Variants in BTBD7 observed in about 807,000 individuals in gnomAD.
BTBD7 encodes BTB domain containing 7, also known as BTB/POZ domain-containing protein 7.
In BTBD7, 38 loss-of-function variants were observed where a neutral mutation model predicts 99.9. That is an observed-to-expected ratio of 0.38 (90% CI 0.29 to 0.50). The LOEUF is 0.50. Ranked by LOEUF, BTBD7 falls within the 20% of genes least tolerant of loss-of-function variation. The pLI, the probability that BTBD7 is intolerant of heterozygous loss-of-function variation, is 0.93. For synonymous variants in BTBD7, 520 were observed against 511.4 expected, an observed-to-expected ratio of 1.02 and a Z score of -0.23; for missense variants, 1,170 against 1,394.6, an observed-to-expected ratio of 0.84 and a Z score of 2.57.
chr14:93,260,972 C>T (rs1362771201), intron 5 of BTBD7, among the ~76,000 whole-genome samples: 2 of 152,128 alleles, frequency 1.3e-5, no homozygotes, highest in African/African-American at 4.8e-5. Context: ...CTCACTGCAA[C>T]CTCTGCCTCC....
At chr14:93,243,790 AACAG>A (rs1195411502) in intron 10 of BTBD7, among the ~76,000 whole-genome samples, 2 of 152,244 alleles carry the variant, frequency 1.3e-5, no homozygotes, top group African/African-American at 2.4e-5. Flanking sequence ...GACTGCAATG[AACAG>A]ACAAATAAAT....
At chr14:93,300,087 T>C (rs2052975783) in intron 1 of BTBD7, among the ~76,000 whole-genome samples, 1 of 152,172 alleles carries the variant, frequency 6.6e-6, no homozygotes, top group Non-Finnish European at 1.5e-5. Flanking sequence ...CGGTTATCTC[T>C]GTGTCACTAA....
intron 1 of BTBD7, among the ~76,000 whole-genome samples, chr14:93,296,714 T>C (rs549722829): frequency 6.6e-6 from 1 of 152,326 alleles, no homozygotes; most frequent in African/African-American, 2.4e-5. Context: ...ATATATAAGC[T>C]ACTTGTTCTA....
chr14:93,329,536 T>C (rs949267189), intron 1 of BTBD7, among the ~76,000 whole-genome samples: 7 of 152,188 alleles, frequency 4.6e-5, no homozygotes, highest in Non-Finnish European at 1.0e-4. Flanking sequence ...AGTCAAAATG[T>C]GGATGCAACT....
intron 1 of BTBD7, among the ~76,000 whole-genome samples, chr14:93,306,682 C>T (rs1002440295): frequency 1.3e-5 from 2 of 152,062 alleles, no homozygotes; most frequent in African/African-American, 4.8e-5. Context: ...AGTAATGGTG[C>T]TTATTTCTTG....
chr14:93,273,401 G>C (rs772352309), intron 3 of BTBD7, among the ~76,000 whole-genome samples: 2 of 152,212 alleles, frequency 1.3e-5, no homozygotes, highest in Non-Finnish European at 2.9e-5. Context: ...CCAGGTCAGT[G>C]TCTGAAAAGA....
chr14:93,330,998 G>C (rs1029542942), intron 1 of BTBD7, among the ~76,000 whole-genome samples: 9 of 152,118 alleles, frequency 5.9e-5, no homozygotes, highest in African/African-American at 2.2e-4. Flanking sequence ...GAGTTTTACT[G>C]AATTCATGCA....
At chr14:93,261,134 T>C (rs1595294592) in intron 5 of BTBD7, among the ~76,000 whole-genome samples, 1 of 152,314 alleles carries the variant, frequency 6.6e-6, no homozygotes, top group South Asian at 2.1e-4. Flanking sequence ...CAGGTCAGCC[T>C]GTACTCGTAT....
intron 1 of BTBD7, among the ~76,000 whole-genome samples, chr14:93,313,874 T>C (rs929188965): frequency 6.6e-6 from 1 of 152,048 alleles, no homozygotes; most frequent in Non-Finnish European, 1.5e-5. Flanking sequence ...GCTAGGACTA[T>C]AGGTGTGTGC....
chr14:93,306,668 A>G (rs904896777), intron 1 of BTBD7, among the ~76,000 whole-genome samples: 2 of 152,204 alleles, frequency 1.3e-5, no homozygotes, highest in Non-Finnish European at 1.5e-5. Context: ...GGAGAGTCTT[A>G]AGAAGTAATG....
In BTBD7 at chr14:93,241,942, T is replaced by C; in HGVS notation, c.*331A>G. 1 of 346,628 alleles carries C rather than the reference T, an allele frequency of 2.9e-6. No individual in the cohort carries two copies. Among genetic ancestry groups the C allele is most frequent in the Non-Finnish European group, 5.2e-6 (1 of 191,642 alleles). The allele number at this position is 346,628 out of a possible 1,614,324, so 21.5% of individuals were successfully genotyped here. The stretch of plus-strand genomic sequence containing the variant: ...GTGGCAATAAAGTTTAACATACTGA[T>C]ATAAAATCAATACAGAGAAAATAAA... On this transcript the variant is annotated 3_prime_UTR_variant, in exon 11 of 11. Transcript: ENST00000334746.
intron 1 of BTBD7, among the ~76,000 whole-genome samples, chr14:93,318,916 C>G (rs2053238534): frequency 6.6e-6 from 1 of 152,088 alleles, no homozygotes; most frequent in Admixed American, 6.5e-5. Context: ...CATAACGAAC[C>G]CTTAATAAAT....
At chr14:93,322,743 C>T (rs948710428) in intron 1 of BTBD7, among the ~76,000 whole-genome samples, 2 of 152,202 alleles carry the variant, frequency 1.3e-5, no homozygotes, top group African/African-American at 4.8e-5. Context: ...TAGGCAAATA[C>T]ATCCTTTCAG....
intron 7 of BTBD7, among the ~76,000 whole-genome samples, chr14:93,252,087 A>C (rs1198124582): frequency 6.6e-6 from 1 of 152,136 alleles, no homozygotes; most frequent in African/African-American, 2.4e-5. Flanking sequence ...AGGTGGGTAG[A>C]TCACCTGAGG....
At chr14:93,280,283 C>T (rs988016050) in intron 3 of BTBD7, among the ~76,000 whole-genome samples, 3 of 152,140 alleles carry the variant, frequency 2.0e-5, no homozygotes, top group Non-Finnish European at 4.4e-5. Flanking sequence ...CATGTACTTT[C>T]CAGAGAAAAT....
intron 3 of BTBD7, among the ~76,000 whole-genome samples, chr14:93,265,030 A>G (rs1008443307): frequency 1.3e-5 from 2 of 152,188 alleles, no homozygotes; most frequent in Non-Finnish European, 2.9e-5. Context: ...CGGAGGTTGC[A>G]GTGAGCTGAA....
At chr14:93,249,266 C>CAAAAAAAAAAAAAAAAAAAAAAAAAA (rs56893984) in intron 8 of BTBD7, among the ~76,000 whole-genome samples, 1 of 25,942 alleles carries the variant, frequency 3.9e-5, no homozygotes. Context: ...ACCAGATAGG[C>CAAAAAAAAAAAAAAAAAAAAAAAAAA]AAAAAAAAAA....
intron 3 of BTBD7, among the ~76,000 whole-genome samples, chr14:93,281,824 C>A (rs750011730): frequency 2.6e-5 from 4 of 152,182 alleles, no homozygotes; most frequent in Non-Finnish European, 5.9e-5. Flanking sequence ...GTTTCTGTAT[C>A]ATTTCTTTTC....
chr14:93,332,682 C>A, intron 1 of BTBD7, 138 bp downstream of exon 1: 1 of 1,266,382 alleles, frequency 7.9e-7, no homozygotes, highest in South Asian at 2.2e-5. Flanking sequence ...GCCCGGCGCC[C>A]CAGCGCCTCC....
Sources: allele counts gnomAD v4.1 joint callset (sites outside exome capture counted in the v4.1 genomes callset), GRCh38; gene constraint gnomAD v4.1.1; transcripts MANE v1.5; gene names NCBI Gene and HGNC (gene_info 2026-07-23, HGNC 2026-07-21).